VDR: variants seen among roughly 807,000 people sequenced by gnomAD.
The protein encoded by VDR is vitamin D receptor, also known as vitamin D3 receptor.
A neutral mutation model predicts 39.7 loss-of-function variants in VDR; 19 were observed. The observed-to-expected ratio is 0.48, with a 90% CI of 0.33 to 0.70. VDR has a LOEUF of 0.70. Among genes scored for constraint, VDR ranks in the 30% least tolerant of loss-of-function variants. The pLI, the probability that VDR is intolerant of heterozygous loss-of-function variation, is 0.02. For synonymous variants in VDR, 242 were observed against 215.8 expected, an observed-to-expected ratio of 1.12 and a Z score of -1.07; for missense variants, 442 against 570.5, an observed-to-expected ratio of 0.77 and a Z score of 2.29.
At chr12:47,904,520 T>G in intron 1 of VDR, 2 of 1,373,932 alleles carry the variant, frequency 1.5e-6, no homozygotes. Flanking sequence ...CCATCACAGG[T>G]GACCATACCT....
chr12:47,899,746 C>G (rs938888275), intron 1 of VDR: 62 of 290,672 alleles, frequency 2.1e-4, no homozygotes, highest in African/African-American at 1.3e-3. Flanking sequence ...GCAGTGGTTA[C>G]AGGCTGACTC....
At chr12:47,875,093 C>T (rs1945973245) in intron 3 of VDR, among the ~76,000 whole-genome samples, 1 of 152,248 alleles carries the variant, frequency 6.6e-6, no homozygotes, top group Middle Eastern at 3.4e-3. Context: ...AGGAATTGAC[C>T]AGCAATGGCC....
chr12:47,857,596 G>T lies in VDR; in HGVS notation c.370C>A (p.Leu124Met). 1 of 1,614,242 alleles carries T rather than the reference G, an allele frequency of 6.2e-7. No individual in the cohort carries two copies. Among genetic ancestry groups the T allele is most frequent in the Non-Finnish European group, 8.5e-7 (1 of 1,180,044 alleles). The change falls in exon 5 of 10, where the codon CTG becomes ATG. Residue 124 changes from leucine (L) to methionine (M), a missense_variant. Around this residue, in one of 5 missense-constraint regions of VDR, gnomAD observed 46 missense variants for 82.0 expected, o/e 0.56. Transcript: ENST00000549336. ...EALKDSLRPK[L>M]SEEQQRIIAI... Reference sequence around the variant, plus strand: ...ATGATGCGCTGCTGCTCCTCAGACAGCTTGGGCCGCAGACTGTCCTTCAAG... The same window carrying T: ...ATGATGCGCTGCTGCTCCTCAGACATCTTGGGCCGCAGACTGTCCTTCAAG...
At chr12:47,865,958 G>A (rs7968852) in intron 3 of VDR, among the ~76,000 whole-genome samples, 60,731 of 150,408 alleles carry the variant, frequency 0.4, 12,812 homozygotes, top group South Asian at 0.49. Flanking sequence ...CTCATGATCC[G>A]CCTGCCTTGG....
Position 47,881,813 on chromosome 12 carries a change from A to G in VDR, c.-3+881T>C, listed in dbSNP as rs527438131. 1.6e-4 allele frequency among the ~76,000 whole-genome samples: 25 copies of G among 152,286 alleles called. No individual in the cohort carries two copies. In the South Asian group the frequency reaches 5.0e-3, roughly 30 times the overall value. On this transcript the variant is annotated intron_variant, in intron 2 of 9. Coordinates refer to ENST00000549336, the MANE Select transcript of VDR (RefSeq NM_000376.3). ...GGTTTTAGAACATAGCACACATTCA[A>G]GATGTGGCCAGCATCCCGGAGGCCC...
chr12:47,901,765 C>T (rs745774238), intron 1 of VDR, among the ~76,000 whole-genome samples: 7 of 152,190 alleles, frequency 4.6e-5, no homozygotes, highest in Non-Finnish European at 1.0e-4. Context: ...CTTGGCTCCA[C>T]TATGAACCCC....
intron 1 of VDR, 56 bp downstream of exon 1, chr12:47,904,899 C>T: frequency 6.5e-6 from 2 of 305,834 alleles, no homozygotes; most frequent in South Asian, 1.1e-4. Context: ...TCCCAGACGC[C>T]CCGACCCCGA....
rs376071255 is a variant in VDR, at chr12:47,891,551, C to A, written c.-83-8777G>T. ...CTGGGAAAAAAACTGACCACCCCAC[C>A]CACTGTCTGTGGCTTCTAAAACTCT... On this transcript the variant is annotated intron_variant, in intron 1 of 9. Coordinates refer to ENST00000549336, the MANE Select transcript of VDR (RefSeq NM_000376.3). Among the ~76,000 whole-genome samples, 68 of 152,270 alleles carry A rather than the reference C, an allele frequency of 4.5e-4. No individual in the cohort carries two copies. The East Asian group carries it at 0.012, about 26-fold the overall frequency.
At chr12:47,874,545 A>C (rs1451599323) in intron 3 of VDR, among the ~76,000 whole-genome samples, 2 of 152,212 alleles carry the variant, frequency 1.3e-5, no homozygotes, top group Non-Finnish European at 2.9e-5. Context: ...TAATTAACAA[A>C]GTCCTCAAGA....
At chr12:47,870,385 G>T (rs1443183275) in intron 3 of VDR, among the ~76,000 whole-genome samples, 9 of 152,076 alleles carry the variant, frequency 5.9e-5, no homozygotes, top group African/African-American at 2.2e-4. Context: ...AGAGCTTCAG[G>T]TTTCCATGAG....
At chr12:47,867,891 T>G (rs1945770267) in intron 3 of VDR, among the ~76,000 whole-genome samples, 1 of 152,164 alleles carries the variant, frequency 6.6e-6, no homozygotes, top group South Asian at 2.1e-4. Context: ...TTGTCAAGCT[T>G]GCTCTAGCAA....
At chr12:47,864,933 G>T in intron 4 of VDR, 114 bp downstream of exon 4, 3 of 1,561,616 alleles carry the variant, frequency 1.9e-6, no homozygotes. Flanking sequence ...CCAGATGCTG[G>T]CAGCTACAGA....
intron 7 of VDR, among the ~76,000 whole-genome samples, chr12:47,853,239 A>G (rs1326354585): frequency 6.6e-6 from 1 of 151,018 alleles, no homozygotes; most frequent in Non-Finnish European, 1.5e-5. Context: ...TCAGGAGATC[A>G]AGACCATCCT....
chr12:47,843,119 A>G lies in VDR; in HGVS notation c.*1627T>C, dbSNP rs1945203691. 6.6e-6 allele frequency: 1 copy of G among 152,222 alleles called. No homozygotes were observed. The highest frequency in any genetic ancestry group is 2.4e-5 in the African/African-American group (1 of 41,460). 9.4% of individuals were successfully genotyped at this position (152,222 alleles called of 1,614,324 possible). A position where few individuals can be genotyped will look rare whatever the true frequency, so the allele number is the denominator to read the frequency against. ...ACTCATATCTAATAAATTTAAGATTAAGCGATATATATGCTATTCTGCAGT... is the reference window on the plus strand; with the variant it reads ...ACTCATATCTAATAAATTTAAGATTGAGCGATATATATGCTATTCTGCAGT... On this transcript the variant is annotated 3_prime_UTR_variant, in exon 10 of 10. Transcript: ENST00000549336.
At chr12:47,871,968 C>T (rs924335325) in intron 3 of VDR, among the ~76,000 whole-genome samples, 4 of 152,210 alleles carry the variant, frequency 2.6e-5, no homozygotes, top group African/African-American at 4.8e-5. Context: ...GAAGCGAACA[C>T]GATGAGCTGG....
At chr12:47,904,591 T>G (rs1481343796) in intron 1 of VDR, 22 of 1,531,876 alleles carry the variant, frequency 1.4e-5, no homozygotes, top group Non-Finnish European at 1.0e-5. Context: ...CTGAGCACCA[T>G]CGACAGCCAA....
intron 3 of VDR, among the ~76,000 whole-genome samples, chr12:47,871,286 CTCTTTCTCTTTCTTTCTTTCTTTCTT>C (rs1173671281): frequency 7.5e-6 from 1 of 134,134 alleles, no homozygotes; most frequent in Non-Finnish European, 1.6e-5. Context: ...CTCTTTCTTT[CTCTTTCTCTTTCTTTCTTTCTTTCTT>C]TCTTTCTTTC....
chr12:47,844,734 A>T lies in VDR; in HGVS notation c.*12T>A, dbSNP rs1945241342. The T allele has an allele frequency of 6.2e-7, 1 of 1,613,706 alleles. No homozygotes were observed. The highest frequency in any genetic ancestry group is 1.3e-5 in the African/African-American group (1 of 74,910). Reference sequence around the variant, plus strand: ...AGCAGCCCCACCCAGGCACCGCCACAGGCTGTCCTAGTCAGGAGATCTCAT... The same window carrying T: ...AGCAGCCCCACCCAGGCACCGCCACTGGCTGTCCTAGTCAGGAGATCTCAT... On this transcript the variant is annotated 3_prime_UTR_variant, in exon 10 of 10. Transcript: ENST00000549336.
rs768024598 is a variant in VDR, at chr12:47,855,617, A to G, written c.755+13T>C. 30 of 1,613,956 alleles carry G rather than the reference A, an allele frequency of 1.9e-5. No individual in the cohort carries two copies. Among genetic ancestry groups the G allele is most frequent in the Non-Finnish European group, 2.4e-5 (28 of 1,179,998 alleles). ...TCTGACTCTGTTCCCCAGAGATTGC[A>G]GAAGTTTCTTACCTGAATCCTGGTA... is the stretch of plus-strand genomic sequence containing the variant. On this transcript the variant is annotated intron_variant, in intron 7 of 9. Coordinates refer to ENST00000549336, the MANE Select transcript of VDR (RefSeq NM_000376.3).
Sources: gnomAD v4.1 joint callset for allele counts (sites outside exome capture counted in the v4.1 genomes callset) on GRCh38, gnomAD v4.1.1 for gene constraint, gnomAD v4.1.1 regional missense constraint, MANE v1.5 for transcripts, NCBI Gene and HGNC (gene_info 2026-07-23, HGNC 2026-07-21) for gene names.